The following AFTPH variants were observed in gnomAD, a reference collection of about 807,000 sequenced individuals.
AFTPH encodes the protein aftiphilin protein.
AFTPH carries 7 observed loss-of-function variants against 72.5 expected under a neutral mutation model. The ratio of observed to expected loss-of-function variants is 0.10; its 90% CI spans 0.05 to 0.18. The LOEUF (loss-of-function observed/expected upper bound fraction) is 0.18, where lower values mean the gene tolerates loss of function less well. AFTPH is among the 10% of genes least tolerant of loss of function. The probability of loss-of-function intolerance (pLI) is 1.00; values close to 1 mark genes in which losing one functional copy is unlikely to be tolerated. For missense variants in AFTPH, 979 were observed against 1,060.5 expected (o/e 0.92, Z 1.07); for synonymous variants, 337 against 370.1 (o/e 0.91, Z 1.03).
intron 1 of AFTPH, among the ~76,000 whole-genome samples, chr2:64,526,137 A>G: frequency 6.6e-6 from 1 of 152,360 alleles, no homozygotes; most frequent in East Asian, 1.9e-4. Context: ...CCCGTATCAC[A>G]ACAAGGATAA....
intron 6 of AFTPH, chr2:64,578,896 T>C (rs1446087844): frequency 6.6e-6 from 1 of 152,244 alleles, no homozygotes; most frequent in Non-Finnish European, 1.5e-5. Context: ...AATTCTATGC[T>C]CGCTTCAGCA....
chr2:64,586,756 C>T (rs1673542207), intron 8 of AFTPH, among the ~76,000 whole-genome samples: 1 of 152,186 alleles, frequency 6.6e-6, no homozygotes, highest in South Asian at 2.1e-4. Flanking sequence ...TTCAATGAAC[C>T]TACTTGTAAA....
At chr2:64,582,357 G>T (rs961410171) in intron 7 of AFTPH, among the ~76,000 whole-genome samples, 10 of 152,198 alleles carry the variant, frequency 6.6e-5, no homozygotes, top group African/African-American at 2.2e-4. Flanking sequence ...GACCTAGGAT[G>T]CCCTTCTTGA....
intron 1 of AFTPH, among the ~76,000 whole-genome samples, chr2:64,549,728 G>T (rs1278512526): frequency 6.6e-6 from 1 of 151,946 alleles, no homozygotes; most frequent in Non-Finnish European, 1.5e-5. Flanking sequence ...AAATTAATTA[G>T]TATGGGAAGG....
chr2:64,553,081 T>C (rs755268885), exon 2 of AFTPH: 24 of 1,614,018 alleles, frequency 1.5e-5, no homozygotes, highest in South Asian at 2.2e-5. Context: ...GAAGGTGAGA[T>C]TGGACATTTT....
intron 1 of AFTPH, 89 bp from the exon 2 acceptor site, chr2:64,551,354 A>T: frequency 9.8e-7 from 1 of 1,018,624 alleles, no homozygotes; most frequent in Non-Finnish European, 1.4e-6. Context: ...GTAAATTTGC[A>T]TTGTTTTAAA....
At chr2:64,542,162 A>G (rs1670291425) in intron 1 of AFTPH, among the ~76,000 whole-genome samples, 1 of 152,146 alleles carries the variant, frequency 6.6e-6, no homozygotes, top group African/African-American at 2.4e-5. Context: ...TGTGTGCTGT[A>G]TGTTTTTAAC....
rs1239455658 is a variant in AFTPH, at chr2:64,579,552, TCTCTCCGTAGAGC to T, written c.2455+11_2455+23del. 1 of 1,612,978 alleles carries T rather than the reference TCTCTCCGTAGAGC, an allele frequency of 6.2e-7. No individual in the cohort carries two copies. The highest frequency in any genetic ancestry group is 8.5e-7 in the Non-Finnish European group (1 of 1,179,074). On this transcript the variant is annotated splice_region_variant and intron_variant, in intron 7 of 8. Transcript: ENST00000238856. ...CCTTACTAACCCTTTAGATGGTACG[TCTCTCCGTAGAGC>T]CTCTAGCACCAGAGCTAGAGTTAAG...
At chr2:64,553,633 T>C (rs891478267) in intron 2 of AFTPH, among the ~76,000 whole-genome samples, 1 of 151,384 alleles carries the variant, frequency 6.6e-6, no homozygotes, top group African/African-American at 2.4e-5. Context: ...TTTATCTCAA[T>C]GAGTTTCGTT....
intron 7 of AFTPH, among the ~76,000 whole-genome samples, chr2:64,583,829 C>T (rs1426920254): frequency 1.3e-5 from 2 of 152,074 alleles, no homozygotes; most frequent in South Asian, 2.1e-4. Flanking sequence ...TGTTAGACTT[C>T]GTAACTGTGG....
intron 8 of AFTPH, among the ~76,000 whole-genome samples, chr2:64,588,577 C>T (rs1673641688): frequency 1.3e-5 from 2 of 152,224 alleles, no homozygotes; most frequent in Admixed American, 1.3e-4. Flanking sequence ...TTCTTACCAA[C>T]ACTTGTTATT....
intron 1 of AFTPH, among the ~76,000 whole-genome samples, chr2:64,533,839 G>A (rs1323449289): frequency 6.6e-6 from 1 of 152,092 alleles, no homozygotes; most frequent in Admixed American, 6.5e-5. Flanking sequence ...CAATTTTTAT[G>A]TTATATAAAA....
intron 7 of AFTPH, chr2:64,580,810 A>T (rs1344440463): frequency 6.5e-6 from 1 of 154,536 alleles, no homozygotes; most frequent in African/African-American, 2.4e-5. Context: ...TGATTTGGGC[A>T]TGTACAGTGA....
exon 2 of AFTPH, chr2:64,552,587 T>A (rs746665074): frequency 1.9e-6 from 3 of 1,614,018 alleles, no homozygotes; most frequent in African/African-American, 1.3e-5. Flanking sequence ...TATGCATGGA[T>A]TCTGTTAAAA....
At chr2:64,553,726 C>G (rs898707996) in intron 2 of AFTPH, among the ~76,000 whole-genome samples, 1 of 147,440 alleles carries the variant, frequency 6.8e-6, no homozygotes, top group Middle Eastern at 3.4e-3. Context: ...AAAACCCACA[C>G]TTATTACCTA....
intron 2 of AFTPH, among the ~76,000 whole-genome samples, chr2:64,565,496 CTTTGTTCATTCTA>C (rs1672024779): frequency 7.2e-6 from 1 of 139,756 alleles, no homozygotes; most frequent in Non-Finnish European, 1.6e-5. Context: ...AAAAAAAAGC[CTTTGTTCATTCTA>C]TTAGTTGCTG....
intron 1 of AFTPH, among the ~76,000 whole-genome samples, chr2:64,534,338 T>C (rs922829787): frequency 6.8e-6 from 1 of 146,264 alleles, no homozygotes; most frequent in Non-Finnish European, 1.5e-5. Context: ...GAACTCTTTT[T>C]ATACTTTTTA....
At chr2:64,587,502 C>A (rs980764142) in intron 8 of AFTPH, among the ~76,000 whole-genome samples, 1 of 152,156 alleles carries the variant, frequency 6.6e-6, no homozygotes, top group Non-Finnish European at 1.5e-5. Flanking sequence ...TTTAGGTTTT[C>A]TTTCATTTTT....
intron 5 of AFTPH, among the ~76,000 whole-genome samples, chr2:64,572,465 C>A (rs763127626): frequency 6.6e-6 from 1 of 152,016 alleles, no homozygotes; most frequent in Admixed American, 6.5e-5. Context: ...CAAAGGGTGC[C>A]GTTTCTTACA....
Sources: allele counts gnomAD v4.1 joint callset (sites outside exome capture counted in the v4.1 genomes callset), GRCh38; gene constraint gnomAD v4.1.1; transcripts MANE v1.5; gene names NCBI Gene and HGNC (gene_info 2026-07-23, HGNC 2026-07-21).